The following ZNF292 variants were observed in gnomAD, a reference collection of about 807,000 sequenced individuals.
ZNF292 encodes zinc finger protein 292, also known as 16 zinc-finger domain protein.
Under a neutral mutation model 217.9 loss-of-function variants are expected in ZNF292, and 26 were observed. The ratio of observed to expected loss-of-function variants is 0.12; its 90% CI spans 0.09 to 0.17. The LOEUF is 0.17. Ranked by LOEUF, ZNF292 falls within the 10% of genes least tolerant of loss-of-function variation. ZNF292 has a pLI of 1.00. For synonymous variants in ZNF292, 1,257 were observed against 1,124.1 expected (o/e 1.12, Z -2.37); for missense variants, 2,904 against 3,175.2 (o/e 0.91, Z 2.05).
intron 7 of ZNF292, among the ~76,000 whole-genome samples, chr6:87,252,247 G>A (rs1774958524): frequency 1.3e-5 from 2 of 151,646 alleles, no homozygotes; most frequent in Admixed American, 1.3e-4. Context: ...TGCCTCCCGT[G>A]TTCAAGTGAT....
At chr6:87,230,313 A>G (rs1773583735) in intron 4 of ZNF292, among the ~76,000 whole-genome samples, 1 of 152,194 alleles carries the variant, frequency 6.6e-6, no homozygotes, top group Non-Finnish European at 1.5e-5. Flanking sequence ...GGAATCTAGG[A>G]CCTAGTGTAA....
rs929186259 is a variant in ZNF292, at chr6:87,260,478, C to A, written c.6849C>A (p.Asp2283Glu). 5 of 1,613,362 alleles carry A rather than the reference C, an allele frequency of 3.1e-6. No homozygotes were observed. In the African/African-American group the frequency reaches 6.7e-5, roughly 22 times the overall value. The change falls in exon 8 of 8, where the codon GAC becomes GAA. Residue 2283 changes from aspartate to glutamate, a missense_variant. By Grantham distance (45) the Asp-to-Glu change is conservative. Transcript: ENST00000369577. ...LLRHIFNKHN[D>E]KHKAHLIRPR... ...GACACATTTTTAATAAGCATAATGACAAACATAAGGCTCATTTGATTCGTC... is the reference window on the plus strand; with the variant it reads ...GACACATTTTTAATAAGCATAATGAAAAACATAAGGCTCATTTGATTCGTC...
chr6:87,216,037 G>C lies in ZNF292; in HGVS notation c.303G>C (p.Leu101Phe). 1 of 1,564,710 alleles carries C rather than the reference G, an allele frequency of 6.4e-7. No individual in the cohort carries two copies. Among genetic ancestry groups the C allele is most frequent in the Non-Finnish European group, 8.6e-7 (1 of 1,162,760 alleles). The change falls in exon 2 of 8, where the codon TTG becomes TTC. Residue 101 changes from leucine (L) to phenylalanine (F), a missense_variant. Transcript: ENST00000369577. The stretch of plus-strand genomic sequence containing the variant: ...CCTCTGAATGTGAAAATGTAGCCTT[G>C]GTTCTGGAACGCTTGGCATTGTGAG... ...YLTSECENVALVLERLALSCV... is the reference protein window; with the variant it reads ...YLTSECENVAFVLERLALSCV...
At chr6:87,161,228 G>C (rs1004868138) in intron 1 of ZNF292, among the ~76,000 whole-genome samples, 1 of 152,042 alleles carries the variant, frequency 6.6e-6, no homozygotes, top group Non-Finnish European at 1.5e-5. Flanking sequence ...GAAAAGATTT[G>C]ACATTTTGAT....
intron 1 of ZNF292, among the ~76,000 whole-genome samples, chr6:87,214,784 G>A (rs1238913682): frequency 1.3e-5 from 2 of 152,108 alleles, no homozygotes; most frequent in African/African-American, 4.8e-5. Flanking sequence ...TTGCCCTTTA[G>A]TTTACCAGCT....
At chr6:87,161,526 G>C (rs73501636) in intron 1 of ZNF292, among the ~76,000 whole-genome samples, 3 of 152,068 alleles carry the variant, frequency 2.0e-5, no homozygotes, top group Non-Finnish European at 4.4e-5. Flanking sequence ...GGGCTTAAGC[G>C]ATCCTCTTGC....
chr6:87,188,597 A>C (rs1354405256), intron 1 of ZNF292, among the ~76,000 whole-genome samples: 1 of 152,124 alleles, frequency 6.6e-6, no homozygotes, highest in Non-Finnish European at 1.5e-5. Flanking sequence ...AACCATGTTA[A>C]CTTGAAAATT....
chr6:87,261,497 C>T lies in ZNF292; in HGVS notation c.7868C>T (p.Ser2623Phe), dbSNP rs1288207457. ...DHPNTGNKKG[S>F]HSNSRKNIDK... is the part of the protein sequence containing the mutation. The stretch of plus-strand genomic sequence containing the variant: ...CCGAATACTGGAAACAAAAAAGGAT[C>T]CCATTCAAATTCAAGAAAAAATATT... Residue 2623 changes from serine (S) to phenylalanine (F), a missense_variant, in exon 8 of 8, where the codon TCC (serine) becomes TTC (phenylalanine). By Grantham distance (155) the Ser-to-Phe change is radical. Transcript: ENST00000369577. The T allele has an allele frequency of 1.2e-6, 2 of 1,605,158 alleles. No individual in the cohort carries two copies. The highest frequency in any genetic ancestry group is 2.7e-5 in the African/African-American group (2 of 74,746).
In ZNF292 at chr6:87,233,545, C is replaced by G. The variant is rs200257228; in HGVS notation, c.741+18C>G. On this transcript the variant is annotated intron_variant, in intron 5 of 7. Coordinates refer to ENST00000369577, the MANE Select transcript of ZNF292 (RefSeq NM_015021.3). ...TCGAAGAGGTGAGTATGTTTTCTTT[C>G]ATTAGTAATTATTTTTTAAGTTGAG... 2 of 1,576,328 alleles carry G rather than the reference C, an allele frequency of 1.3e-6. No homozygotes were observed. The highest frequency in any genetic ancestry group is 1.7e-6 in the Non-Finnish European group (2 of 1,160,590).
At chr6:87,200,562 C>G (rs995589167) in intron 1 of ZNF292, among the ~76,000 whole-genome samples, 1 of 152,036 alleles carries the variant, frequency 6.6e-6, no homozygotes, top group Non-Finnish European at 1.5e-5. Flanking sequence ...CCCTTTGTGC[C>G]AAGGCATCAA....
At chr6:87,233,611 C>G in intron 5 of ZNF292, 84 bp downstream of exon 5, 2 of 1,531,794 alleles carry the variant, frequency 1.3e-6, no homozygotes, top group Non-Finnish European at 1.8e-6. Flanking sequence ...TTCCTTTTCT[C>G]TTAGATAGCG....
At chr6:87,219,298 G>A (rs552733933) in intron 4 of ZNF292, among the ~76,000 whole-genome samples, 3 of 152,212 alleles carry the variant, frequency 2.0e-5, no homozygotes, top group African/African-American at 7.2e-5. Context: ...GAAAAGTACA[G>A]TTGTATTCTA....
At chr6:87,245,842 T>C (rs1774549843) in intron 7 of ZNF292, among the ~76,000 whole-genome samples, 198 bp downstream of exon 7, 1 of 152,198 alleles carries the variant, frequency 6.6e-6, no homozygotes, top group South Asian at 2.1e-4. Context: ...AGGGACTTGT[T>C]CTTAGCCAGA....
Position 87,264,675 on chromosome 6 carries a change from C to G in ZNF292, c.*2874C>G, listed in dbSNP as rs554415951. 1.3e-5 allele frequency among the ~76,000 whole-genome samples: 2 copies of G among 152,046 alleles called. No individual in the cohort carries two copies. The highest frequency in any genetic ancestry group is 2.9e-5 in the Non-Finnish European group (2 of 68,008). ...TAATTGCGGTATTGCCAGTGGGCCA[C>G]TTGGAAAGATAGGAAGTTGAAGAAG... is the stretch of plus-strand genomic sequence containing the variant. On this transcript the variant is annotated 3_prime_UTR_variant, in exon 8 of 8. Coordinates refer to ENST00000369577, the MANE Select transcript of ZNF292 (RefSeq NM_015021.3).
chr6:87,174,637 A>G (rs2127774801), intron 1 of ZNF292, among the ~76,000 whole-genome samples: 1 of 152,248 alleles, frequency 6.6e-6, no homozygotes, highest in South Asian at 2.1e-4. Context: ...GAGTCATAAT[A>G]AAGCCATTCC....
chr6:87,242,804 C>T (rs1396150170), intron 5 of ZNF292, among the ~76,000 whole-genome samples: 2 of 152,088 alleles, frequency 1.3e-5, no homozygotes, highest in African/African-American at 2.4e-5. Flanking sequence ...AAAAAGAAAT[C>T]ATAGATGTAA....
intron 1 of ZNF292, among the ~76,000 whole-genome samples, chr6:87,184,504 CG>C (rs1313571526): frequency 2.1e-5 from 3 of 140,758 alleles, no homozygotes; most frequent in African/African-American, 8.4e-5. Flanking sequence ...GGGACAGTTC[CG>C]TAGATGTCTT....
intron 5 of ZNF292, among the ~76,000 whole-genome samples, chr6:87,241,797 G>A (rs544961769): frequency 7.9e-5 from 12 of 152,246 alleles, no homozygotes; most frequent in Non-Finnish European, 1.6e-4. Context: ...TCATACAGGT[G>A]GTCCCCCAAT....
rs1775756443 is a variant in ZNF292 at position 87,264,678 on chromosome 6, G to A, written c.*2877G>A. Among the ~76,000 whole-genome samples the A allele has an allele frequency of 6.6e-6, 1 of 152,168 alleles. No individual in the cohort carries two copies. The highest frequency in any genetic ancestry group is 6.5e-5 in the Admixed American group (1 of 15,270). On this transcript the variant is annotated 3_prime_UTR_variant, in exon 8 of 8. Transcript: ENST00000369577. ...TTGCGGTATTGCCAGTGGGCCACTT[G>A]GAAAGATAGGAAGTTGAAGAAGGTG...
Sources: gnomAD v4.1 joint callset for allele counts (sites outside exome capture counted in the v4.1 genomes callset) on GRCh38, gnomAD v4.1.1 for gene constraint, MANE v1.5 for transcripts, NCBI Gene and HGNC (gene_info 2026-07-23, HGNC 2026-07-21) for gene names.